Variants in DLG2 observed in about 807,000 individuals in gnomAD.
The protein encoded by DLG2 is disks large homolog 2.
DLG2 carries 45 observed loss-of-function variants against 132.5 expected under a neutral mutation model. That is an observed-to-expected ratio of 0.34 (90% CI 0.27 to 0.44). The LOEUF is 0.44. DLG2 is among the 20% of genes least tolerant of loss of function. DLG2 has a pLI of 1.00. For synonymous variants in DLG2, 424 were observed against 419.6 expected (o/e 1.01, Z -0.13); for missense variants, 1,045 against 1,196.9 (o/e 0.87, Z 1.87).
intron 7 of DLG2, among the ~76,000 whole-genome samples, chr11:84,278,345 C>T (rs1323081782): frequency 2.0e-5 from 3 of 152,094 alleles, no homozygotes; most frequent in Non-Finnish European, 4.4e-5. Context: ...AATCATCCCA[C>T]TAAGAGAACT....
intron 18 of DLG2, among the ~76,000 whole-genome samples, chr11:83,699,435 G>A (rs2082475280): frequency 6.6e-6 from 1 of 151,816 alleles, no homozygotes; most frequent in Non-Finnish European, 1.5e-5. Flanking sequence ...AGTGGCTCAC[G>A]CCTGTAATCG....
chr11:84,502,464 C>T (rs893256886), intron 7 of DLG2, among the ~76,000 whole-genome samples: 2 of 147,310 alleles, frequency 1.4e-5, no homozygotes, highest in African/African-American at 2.5e-5. Context: ...GTCTCAATCT[C>T]GGCTCACTGC....
chr11:84,825,698 A>T (rs1226752162), intron 6 of DLG2, among the ~76,000 whole-genome samples: 1 of 151,890 alleles, frequency 6.6e-6, no homozygotes, highest in East Asian at 2.0e-4. Context: ...CTTCAGCATC[A>T]TTGTTGTTTC....
chr11:84,884,650 G>A (rs1373373062), intron 6 of DLG2, among the ~76,000 whole-genome samples: 1 of 151,964 alleles, frequency 6.6e-6, no homozygotes, highest in Non-Finnish European at 1.5e-5. Context: ...GGACAGTGAT[G>A]TGAGTGGTCC....
intron 4 of DLG2, among the ~76,000 whole-genome samples, chr11:85,279,125 A>T (rs2078077312): frequency 6.6e-6 from 1 of 152,182 alleles, no homozygotes; most frequent in Non-Finnish European, 1.5e-5. Context: ...TAAAGAAGAA[A>T]ATAGTTAATA....
intron 3 of DLG2, among the ~76,000 whole-genome samples, chr11:85,476,942 T>C (rs1374934159): frequency 6.6e-6 from 1 of 152,170 alleles, no homozygotes; most frequent in Non-Finnish European, 1.5e-5. Context: ...TTATCAAGTA[T>C]TATGTACTGT....
intron 6 of DLG2, among the ~76,000 whole-genome samples, chr11:84,761,489 C>T (rs2067626069): frequency 6.6e-6 from 1 of 152,108 alleles, no homozygotes; most frequent in Non-Finnish European, 1.5e-5. Flanking sequence ...GAAGGGCAGA[C>T]CCACCCTCAT....
At chr11:84,690,714 T>A (rs1422115511) in intron 6 of DLG2, among the ~76,000 whole-genome samples, 1 of 151,898 alleles carries the variant, frequency 6.6e-6, no homozygotes, top group African/African-American at 2.4e-5. Context: ...TTAGGTGTTA[T>A]CATCACAACA....
intron 9 of DLG2, among the ~76,000 whole-genome samples, chr11:84,162,141 T>C (rs187112403): frequency 1.3e-3 from 202 of 152,266 alleles, no homozygotes; most frequent in Admixed American, 1.4e-3. Context: ...AGTGAAAATA[T>C]TTACATTTTT....
At chr11:84,932,954 C>T (rs780848114) in intron 6 of DLG2, among the ~76,000 whole-genome samples, 3 of 152,116 alleles carry the variant, frequency 2.0e-5, no homozygotes, top group Non-Finnish European at 4.4e-5. Flanking sequence ...TTCCACAATG[C>T]TTGAACTAAT....
chr11:84,409,962 T>C (rs2098890397), intron 7 of DLG2, among the ~76,000 whole-genome samples: 1 of 152,218 alleles, frequency 6.6e-6, no homozygotes, highest in Non-Finnish European at 1.5e-5. Flanking sequence ...AGAACTCATA[T>C]TGACTCAAGA....
intron 16 of DLG2, among the ~76,000 whole-genome samples, chr11:83,845,881 C>G (rs370519022): frequency 6.6e-6 from 1 of 152,210 alleles, no homozygotes; most frequent in East Asian, 1.9e-4. Context: ...TATCTATTTT[C>G]TGGCATTGTG....
chr11:83,710,286 C>T (rs11233725), intron 18 of DLG2, among the ~76,000 whole-genome samples: 28,174 of 151,822 alleles, frequency 0.19, 2,779 homozygotes, highest in South Asian at 0.23. Context: ...CCTCAGCCTC[C>T]CAAGTAGCTT....
At chr11:84,770,612 T>G (rs1039118042) in intron 6 of DLG2, among the ~76,000 whole-genome samples, 1 of 151,856 alleles carries the variant, frequency 6.6e-6, no homozygotes, top group Non-Finnish European at 1.5e-5. Flanking sequence ...TCCAACTGCA[T>G]CCACGTTGCT....
chr11:83,888,455 A>G (rs1208952973), intron 15 of DLG2, among the ~76,000 whole-genome samples: 6 of 152,146 alleles, frequency 3.9e-5, no homozygotes, highest in Admixed American at 6.5e-5. Flanking sequence ...AAAAGAGGAT[A>G]CAAACAAATG....
chr11:84,069,042 C>A lies in DLG2; in HGVS notation c.750-9558G>T, dbSNP rs1010796470. Among the ~76,000 whole-genome samples, 3 of 152,184 alleles carry A rather than the reference C, an allele frequency of 2.0e-5. 1 individual carries two copies. In the South Asian group the frequency reaches 6.2e-4, roughly 32 times the overall value. ...GTAGAGCCAAGCCAAGTAACAAAAT[C>A]TAGATCAATCTTTCTCACACTTTGG... On this transcript the variant is annotated intron_variant, in intron 10 of 27. Transcript: ENST00000376104.
At chr11:84,994,776 A>T (rs916211162) in intron 6 of DLG2, among the ~76,000 whole-genome samples, 1 of 152,108 alleles carries the variant, frequency 6.6e-6, no homozygotes, top group Admixed American at 6.5e-5. Context: ...GCATCCATAG[A>T]ATAATTTACA....
At chr11:84,536,148 A>T (rs1052369207) in intron 6 of DLG2, among the ~76,000 whole-genome samples, 7 of 152,084 alleles carry the variant, frequency 4.6e-5, no homozygotes, top group African/African-American at 1.7e-4. Context: ...TCTCTCAACA[A>T]AAATAACAAT....
intron 6 of DLG2, among the ~76,000 whole-genome samples, chr11:85,034,506 A>G (rs1160387187): frequency 6.6e-6 from 1 of 152,204 alleles, no homozygotes; most frequent in Non-Finnish European, 1.5e-5. Context: ...TGGTAAGCCA[A>G]CGTGAAGTAA....
Sources: gnomAD v4.1 joint callset for allele counts (sites outside exome capture counted in the v4.1 genomes callset) on GRCh38, gnomAD v4.1.1 for gene constraint, MANE v1.5 for transcripts, NCBI Gene and HGNC (gene_info 2026-07-23, HGNC 2026-07-21) for gene names.